Variants in RBFOX1 observed in about 807,000 individuals in gnomAD.
The protein encoded by RBFOX1 is RNA binding protein fox-1 homolog 1.
A neutral mutation model predicts 57.7 loss-of-function variants in RBFOX1; 8 were observed. The ratio of observed to expected loss-of-function variants is 0.14; its 90% CI spans 0.08 to 0.25. The LOEUF (loss-of-function observed/expected upper bound fraction) is 0.25, where lower values mean the gene tolerates loss of function less well. Ranked by LOEUF, RBFOX1 falls within the 10% of genes least tolerant of loss-of-function variation. The pLI, the probability that RBFOX1 is intolerant of heterozygous loss-of-function variation, is 1.00. For missense variants in RBFOX1, 611 were observed against 548.5 expected (o/e 1.11, Z -1.14); for synonymous variants, 326 against 222.4 (o/e 1.47, Z -4.15).
chr16:5,571,750 A>T (rs1246801909), intron 2 of RBFOX1, among the ~76,000 whole-genome samples: 1 of 152,176 alleles, frequency 6.6e-6, no homozygotes, highest in Non-Finnish European at 1.5e-5. Flanking sequence ...TTACTCAATA[A>T]ATACGAAGGG....
chr16:6,654,526 C>A (rs930933083), intron 2 of RBFOX1, 77 bp from the exon 3 acceptor site: 34 of 1,164,022 alleles, frequency 2.9e-5, no homozygotes, highest in Middle Eastern at 3.8e-4. Context: ...ATTTCAACAA[C>A]ACCACTGAAT....
chr16:7,160,135 C>G (rs2077994483), intron 4 of RBFOX1, among the ~76,000 whole-genome samples: 1 of 151,664 alleles, frequency 6.6e-6, no homozygotes, highest in Admixed American at 6.6e-5. Context: ...TCATAATTTT[C>G]AATTGTTTCA....
intron 3 of RBFOX1, among the ~76,000 whole-genome samples, chr16:6,942,020 G>T (rs1395192347): frequency 6.6e-6 from 1 of 152,086 alleles, no homozygotes; most frequent in Non-Finnish European, 1.5e-5. Flanking sequence ...TTTGAAATTA[G>T]GAGTTTGAGA....
chr16:6,868,817 G>A (rs898385644), intron 3 of RBFOX1, among the ~76,000 whole-genome samples: 6 of 152,086 alleles, frequency 3.9e-5, no homozygotes, highest in Admixed American at 2.0e-4. Flanking sequence ...TTTGCTCCTC[G>A]AAAGATGGGC....
At chr16:7,037,506 A>C (rs1472479648) in intron 3 of RBFOX1, among the ~76,000 whole-genome samples, 1 of 152,164 alleles carries the variant, frequency 6.6e-6, no homozygotes, top group African/African-American at 2.4e-5. Context: ...CTAAGGAAAC[A>C]GTGAGGCACG....
At chr16:7,036,956 C>T (rs2044659526) in intron 3 of RBFOX1, among the ~76,000 whole-genome samples, 2 of 152,078 alleles carry the variant, frequency 1.3e-5, no homozygotes, top group African/African-American at 4.8e-5. Context: ...ATTCATGCTT[C>T]CCCTTTTTAG....
chr16:7,512,324 A>T (rs1263385765), intron 4 of RBFOX1, among the ~76,000 whole-genome samples: 5 of 152,232 alleles, frequency 3.3e-5, no homozygotes, highest in Admixed American at 1.3e-4. Flanking sequence ...TCCAGAAAAT[A>T]CATTTCAGCC....
intron 2 of RBFOX1, among the ~76,000 whole-genome samples, chr16:5,547,461 G>A (rs535521382): frequency 2.0e-5 from 3 of 152,216 alleles, no homozygotes; most frequent in East Asian, 1.9e-4. Context: ...GCAAGAACAT[G>A]GGTAAGTCTC....
chr16:7,039,057 G>A (rs1045373071), intron 3 of RBFOX1, among the ~76,000 whole-genome samples: 2 of 142,740 alleles, frequency 1.4e-5, no homozygotes, highest in African/African-American at 5.3e-5. Flanking sequence ...TATCAGAAGT[G>A]CTCACTAAAT....
At chr16:6,542,320 C>T (rs140997947) in intron 2 of RBFOX1, among the ~76,000 whole-genome samples, 4 of 151,974 alleles carry the variant, frequency 2.6e-5, no homozygotes, top group East Asian at 1.9e-4. Flanking sequence ...TGAGTAGCAC[C>T]TCACACAGGG....
At chr16:7,321,983 C>T (rs931508049) in intron 4 of RBFOX1, among the ~76,000 whole-genome samples, 3 of 152,196 alleles carry the variant, frequency 2.0e-5, no homozygotes, top group African/African-American at 7.2e-5. Flanking sequence ...GTTCTGGGTC[C>T]CTCACATCTC....
chr16:7,211,929 T>C (rs570813902), intron 4 of RBFOX1, among the ~76,000 whole-genome samples: 1 of 152,216 alleles, frequency 6.6e-6, no homozygotes, highest in East Asian at 1.9e-4. Flanking sequence ...ACAGGCGCCG[T>C]AAATTGCCTT....
intron 4 of RBFOX1, among the ~76,000 whole-genome samples, chr16:7,304,947 TGTGTGTG>T (rs1391496060): frequency 1.4e-4 from 21 of 150,494 alleles, no homozygotes; most frequent in Non-Finnish European, 2.7e-4. Context: ...TGTGTGTGTG[TGTGTGTG>T]TGTGTTTTCC....
chr16:6,965,659 T>A (rs1359068635), intron 3 of RBFOX1, among the ~76,000 whole-genome samples: 1 of 152,178 alleles, frequency 6.6e-6, no homozygotes, highest in Non-Finnish European at 1.5e-5. Flanking sequence ...TTTCACTGAG[T>A]TCTGGAAAAT....
In RBFOX1 at chr16:6,351,374, T is replaced by TA. The variant is rs1484529098; in HGVS notation, c.-64+34317_-64+34318insA. On this transcript the variant is annotated intron_variant, in intron 2 of 15. Coordinates refer to ENST00000550418, the MANE Select transcript of RBFOX1 (RefSeq NM_018723.4). ...TGTGTATATATATATATATATATATTTTTTTTTTTTTTTCTTGAGGCAGAG... is the reference window on the plus strand; with the variant it reads ...TGTGTATATATATATATATATATATTATTTTTTTTTTTTTCTTGAGGCAGAG... Among the ~76,000 whole-genome samples the TA allele has an allele frequency of 5.6e-3, 284 of 50,484 alleles. 1 individual carries two copies. The highest frequency in any genetic ancestry group is 0.018 in the African/African-American group (193 of 10,628). 33.1% of individuals were successfully genotyped at this position (50,484 alleles called of 152,430 possible).
At chr16:7,264,916 A>G (rs1017075333) in intron 4 of RBFOX1, among the ~76,000 whole-genome samples, 2 of 152,204 alleles carry the variant, frequency 1.3e-5, no homozygotes, top group African/African-American at 4.8e-5. Flanking sequence ...CCACAGAAAG[A>G]TCCATCAGGC....
At chr16:5,888,506 G>T (rs2057955910) in intron 4 of RBFOX1, among the ~76,000 whole-genome samples, 1 of 152,078 alleles carries the variant, frequency 6.6e-6, no homozygotes, top group Admixed American at 6.6e-5. Context: ...AAAAAAAATA[G>T]TTGTTGAGGC....
chr16:6,607,883 A>G (rs1391399232), intron 2 of RBFOX1, among the ~76,000 whole-genome samples: 2 of 152,168 alleles, frequency 1.3e-5, no homozygotes, highest in African/African-American at 4.8e-5. Context: ...CTCTTTGTCC[A>G]CAAACCTCCT....
chr16:7,406,612 T>C (rs574059030), intron 4 of RBFOX1, among the ~76,000 whole-genome samples: 1 of 152,226 alleles, frequency 6.6e-6, no homozygotes, highest in Non-Finnish European at 1.5e-5. Context: ...TTGGCCTGCC[T>C]CTAAAACTCT....
Sources: allele counts gnomAD v4.1 joint callset (sites outside exome capture counted in the v4.1 genomes callset), GRCh38; gene constraint gnomAD v4.1.1; transcripts MANE v1.5; gene names NCBI Gene and HGNC (gene_info 2026-07-23, HGNC 2026-07-21).